Variants in ORC5 observed in about 807,000 individuals in gnomAD.
ORC5 encodes origin recognition complex subunit 5, also known as protein phosphatase 1, regulatory subunit 117.
Under a neutral mutation model 58.8 loss-of-function variants are expected in ORC5, and 39 were observed. That is an observed-to-expected ratio of 0.66 (90% CI 0.51 to 0.87). The LOEUF (loss-of-function observed/expected upper bound fraction) is 0.87, where lower values mean the gene tolerates loss of function less well. Among genes scored for constraint, ORC5 ranks in the 40% least tolerant of loss-of-function variants. The pLI is 0.00. For synonymous variants in ORC5, 218 were observed against 177.6 expected (o/e 1.23, Z -1.81); for missense variants, 493 against 506.3 (o/e 0.97, Z 0.25).
chr7:104,134,640 G>A (rs1042967913), intron 13 of ORC5, among the ~76,000 whole-genome samples: 7 of 152,018 alleles, frequency 4.6e-5, no homozygotes, highest in Admixed American at 6.6e-5. Flanking sequence ...GGATGGCACC[G>A]AAATGACCTC....
At chr7:104,163,002 T>C (rs1799048633) in intron 11 of ORC5, among the ~76,000 whole-genome samples, 1 of 152,246 alleles carries the variant, frequency 6.6e-6, no homozygotes, top group Admixed American at 6.5e-5. Flanking sequence ...TCCATATAGA[T>C]ACATGTAGCT....
At position 104,179,173 on chromosome 7, in the gene ORC5, TC is replaced by T. The variant is rs144790989; in HGVS notation, c.824+4769del. On this transcript the variant is annotated intron_variant, in intron 8 of 13. Coordinates refer to ENST00000297431, the MANE Select transcript of ORC5 (RefSeq NM_002553.4). The stretch of plus-strand genomic sequence containing the variant: ...CATGTTTCCCAGGCTGGTCTTGAAC[TC>T]CCATGCTCAAGCAATTGTCCTGCCT... 4.4e-3 allele frequency among the ~76,000 whole-genome samples: 664 copies of T among 149,994 alleles called. 4 individuals carry two copies. Among genetic ancestry groups the T allele is most frequent in the African/African-American group, 0.015 (631 of 40,892 alleles).
intron 5 of ORC5, among the ~76,000 whole-genome samples, chr7:104,189,278 A>T (rs1038502406): frequency 1.3e-4 from 20 of 150,644 alleles, no homozygotes; most frequent in African/African-American, 4.7e-4. Context: ...TCATGGTGGA[A>T]AGCACTCAAC....
At chr7:104,181,640 A>G (rs926693694) in intron 8 of ORC5, among the ~76,000 whole-genome samples, 1 of 151,930 alleles carries the variant, frequency 6.6e-6, no homozygotes, top group African/African-American at 2.4e-5. Flanking sequence ...GAAAAAAAAA[A>G]ATTTAGCCAG....
chr7:104,190,024 C>T (rs770852681), intron 5 of ORC5, among the ~76,000 whole-genome samples: 1 of 152,030 alleles, frequency 6.6e-6, no homozygotes, highest in African/African-American at 2.4e-5. Context: ...TTAGGACACC[C>T]ATTTGATATC....
chr7:104,162,459 G>C (rs1799040705), intron 11 of ORC5, among the ~76,000 whole-genome samples: 2 of 152,180 alleles, frequency 1.3e-5, no homozygotes. Flanking sequence ...AGTGCACCCA[G>C]CTACAAATAA....
chr7:104,187,898 A>G (rs1027854534), intron 6 of ORC5: 56 of 993,452 alleles, frequency 5.6e-5, no homozygotes, highest in Non-Finnish European at 6.5e-5. Flanking sequence ...ACAGAGTTGT[A>G]AAACTGCTCA....
At chr7:104,162,546 A>G (rs1289778564) in intron 11 of ORC5, among the ~76,000 whole-genome samples, 1 of 152,258 alleles carries the variant, frequency 6.6e-6, no homozygotes, top group Non-Finnish European at 1.5e-5. Context: ...ATTTAAAACA[A>G]GAATGAATGT....
intron 12 of ORC5, among the ~76,000 whole-genome samples, chr7:104,144,212 T>C (rs930366972): frequency 6.6e-5 from 10 of 152,146 alleles, no homozygotes; most frequent in South Asian, 4.1e-4. Context: ...TAGAGTAAAA[T>C]TGAAAACAAA....
At position 104,197,751 on chromosome 7, in the gene ORC5, G is replaced by A; in HGVS notation, c.415C>T (p.Pro139Ser). The A allele has an allele frequency of 6.3e-7, 1 of 1,598,348 alleles. No individual in the cohort carries two copies. The highest frequency in any genetic ancestry group is 1.2e-5 in the South Asian group (1 of 86,290). Reference sequence around the variant, plus strand: ...AATTCTTGTAATCTAAGAAATCCAGGCAAAAGATTTGCTTCCATATCTCTT... The same window carrying A: ...AATTCTTGTAATCTAAGAAATCCAGACAAAAGATTTGCTTCCATATCTCTT... ...YLRDMEANLL[P>S]GFLRLQELAD... The change falls in exon 4 of 14, where the codon CCT becomes TCT. Residue 139 changes from proline to serine, a missense_variant. Physicochemically the swap from Pro to Ser is moderately conservative, Grantham distance 74. This residue lies in a region of ORC5 where 412 missense variants were observed against 403.7 expected (regional missense o/e 1.02). Transcript: ENST00000297431.
intron 12 of ORC5, among the ~76,000 whole-genome samples, chr7:104,157,322 G>A (rs985987642): frequency 1.3e-5 from 2 of 151,816 alleles, no homozygotes; most frequent in Admixed American, 1.3e-4. Flanking sequence ...CCTACTCCCC[G>A]ACCCTTTGTA....
intron 13 of ORC5, among the ~76,000 whole-genome samples, chr7:104,128,254 C>G (rs1416958429): frequency 1.2e-4 from 18 of 152,152 alleles, no homozygotes; most frequent in Non-Finnish European, 1.5e-5. Flanking sequence ...TCTCAAGTAG[C>G]TGAAGGTACA....
intron 12 of ORC5, 129 bp downstream of exon 12, chr7:104,160,943 A>G (rs1224428850): frequency 1.2e-5 from 7 of 606,160 alleles, no homozygotes; most frequent in African/African-American, 3.9e-5. Context: ...CTTACCAAAA[A>G]CATGGTTCAT....
chr7:104,179,312 T>C (rs1387479508), intron 8 of ORC5, among the ~76,000 whole-genome samples: 1 of 152,138 alleles, frequency 6.6e-6, no homozygotes, highest in Non-Finnish European at 1.5e-5. Flanking sequence ...AATGTAGTTA[T>C]TTAAAAGTAT....
At chr7:104,187,491 A>G (rs958136392) in intron 6 of ORC5, 1 of 152,760 alleles carries the variant, frequency 6.5e-6, no homozygotes, top group Non-Finnish European at 1.5e-5. Flanking sequence ...GCTAAGAGAC[A>G]TAGAATCTGT....
At chr7:104,127,445 A>G (rs1378497029) in intron 13 of ORC5, among the ~76,000 whole-genome samples, 1 of 152,210 alleles carries the variant, frequency 6.6e-6, no homozygotes, top group Admixed American at 6.5e-5. Context: ...ATGTGAATGT[A>G]TATTTTTGTA....
chr7:104,162,547 G>C (rs10487188), intron 11 of ORC5, among the ~76,000 whole-genome samples: 4,336 of 152,232 alleles, frequency 0.028, 187 homozygotes, highest in African/African-American at 0.099. Flanking sequence ...TTTAAAACAA[G>C]AATGAATGTA....
Position 104,204,229 on chromosome 7 carries a change from AT to A in ORC5, c.77del (p.His26LeufsTer21). 1 of 1,585,146 alleles carries A rather than the reference AT, an allele frequency of 6.3e-7. No homozygotes were observed. The highest frequency in any genetic ancestry group is 1.1e-5 in the South Asian group (1 of 87,066). On this transcript the variant is annotated frameshift_variant, in exon 2 of 14. Transcript: ENST00000297431. LOFTEE classifies it high-confidence loss of function. Reference protein sequence around the residue: ...SILQSLFGERHHFSFPSIFIY... With the variant: ...SILQSLFGERXHFSFPSIFIY... The stretch of plus-strand genomic sequence containing the variant: ...TAAAAATGGATGGAAAGCTGAAATG[AT>A]GTCTCTAACGAGAGAAAAGACAAAT...
intron 2 of ORC5, chr7:104,202,499 T>C: frequency 2.2e-6 from 1 of 456,464 alleles, no homozygotes; most frequent in South Asian, 1.6e-5. Flanking sequence ...ATTTGTACCA[T>C]CCATGACTTT....
Sources: gnomAD v4.1 joint callset for allele counts (sites outside exome capture counted in the v4.1 genomes callset) on GRCh38, gnomAD v4.1.1 for gene constraint, gnomAD v4.1.1 regional missense constraint, MANE v1.5 for transcripts, NCBI Gene and HGNC (gene_info 2026-07-23, HGNC 2026-07-21) for gene names.